The following ATP10B variants were observed in gnomAD, a reference collection of about 807,000 sequenced individuals.
ATP10B encodes phospholipid-transporting ATPase VB.
Under a neutral mutation model 141.2 loss-of-function variants are expected in ATP10B, and 122 were observed. The observed-to-expected ratio is 0.86, with a 90% CI of 0.75 to 1.00. The LOEUF is 1.00. Ranked by LOEUF, ATP10B falls within the 50% of genes least tolerant of loss-of-function variation. ATP10B has a pLI of 0.00. For synonymous variants in ATP10B, 685 were observed against 692.0 expected, an observed-to-expected ratio of 0.99 and a Z score of 0.16; for missense variants, 1,876 against 1,825.3, an observed-to-expected ratio of 1.03 and a Z score of -0.51.
At chr5:160,584,103 C>T (rs545931757) in intron 24 of ATP10B, among the ~76,000 whole-genome samples, 11 of 152,276 alleles carry the variant, frequency 7.2e-5, no homozygotes, top group African/African-American at 2.6e-4. Flanking sequence ...ACTCCTGCAG[C>T]TATCTCCATG....
At chr5:160,605,633 A>G (rs1757340172) in intron 19 of ATP10B, among the ~76,000 whole-genome samples, 1 of 152,286 alleles carries the variant, frequency 6.6e-6, no homozygotes, top group East Asian at 1.9e-4. Context: ...GTTATTCTCT[A>G]CTGTTCTTAC....
At chr5:160,894,199 T>G in the ATP10B span, among the ~76,000 whole-genome samples, 1 of 151,978 alleles carries the variant, frequency 6.6e-6, no homozygotes, top group Non-Finnish European at 1.5e-5. Flanking sequence ...AGAATGAGTT[T>G]GATGAATGAG....
chr5:160,705,575 T>C (rs1225315661), intron 3 of ATP10B, among the ~76,000 whole-genome samples: 3 of 152,186 alleles, frequency 2.0e-5, no homozygotes, highest in Non-Finnish European at 2.9e-5. Flanking sequence ...ACTTTTCTTC[T>C]GCAGCTTTCT....
chr5:160,773,358 A>G (rs1357397419), intron 2 of ATP10B, among the ~76,000 whole-genome samples: 2 of 152,160 alleles, frequency 1.3e-5, no homozygotes, highest in African/African-American at 4.8e-5. Context: ...AACAGGCTGG[A>G]TGGGTAGGAA....
chr5:160,916,899 G>T, the ATP10B span, among the ~76,000 whole-genome samples: 1 of 152,176 alleles, frequency 6.6e-6, no homozygotes, highest in Admixed American at 6.5e-5. Flanking sequence ...CTACAGTGTC[G>T]TGTGGTTTAC....
In ATP10B at chr5:160,667,230, A is replaced by AAAAAC. The variant is rs1292887724; in HGVS notation, c.675+3228_675+3232dup. Among the ~76,000 whole-genome samples the AAAAAC allele has an allele frequency of 4.6e-5, 7 of 152,100 alleles. No homozygotes were observed. The South Asian group carries it at 6.2e-4, about 14-fold the overall frequency. On this transcript the variant is annotated intron_variant, in intron 7 of 25. Coordinates refer to ENST00000327245, the MANE Select transcript of ATP10B (RefSeq NM_025153.3). ...AAGACTCTGTCTCAAAACAAAAACA[A>AAAAAC]AAAACAAAACAAAACAAAACAAAAA...
chr5:160,881,850 A>G, the ATP10B span, among the ~76,000 whole-genome samples: 226 of 152,194 alleles, frequency 1.5e-3, 1 homozygote, highest in African/African-American at 5.2e-3. Flanking sequence ...ATAATTGCCA[A>G]AAGTTGGACG....
chr5:160,880,254 T>A, the ATP10B span, among the ~76,000 whole-genome samples: 1 of 146,248 alleles, frequency 6.8e-6, no homozygotes, highest in Non-Finnish European at 1.5e-5. Context: ...ATATTATATA[T>A]AAATAAATTA....
chr5:160,792,090 A>G (rs1038031754), intron 1 of ATP10B, among the ~76,000 whole-genome samples: 10 of 152,090 alleles, frequency 6.6e-5, no homozygotes, highest in Admixed American at 5.9e-4. Flanking sequence ...AAGTTTTCCT[A>G]AATTCTACTC....
chr5:160,618,714 A>G (rs944780871), intron 15 of ATP10B, among the ~76,000 whole-genome samples: 2 of 152,146 alleles, frequency 1.3e-5, no homozygotes, highest in Non-Finnish European at 2.9e-5. Flanking sequence ...TAATTCTATA[A>G]TAAGAATTTT....
chr5:160,652,584 G>A (rs1300496076), intron 7 of ATP10B, among the ~76,000 whole-genome samples: 4 of 142,892 alleles, frequency 2.8e-5, no homozygotes, highest in Non-Finnish European at 6.0e-5. Context: ...TCAGCCTCCT[G>A]AGTAGCTGGG....
At position 160,688,013 on chromosome 5, in the gene ATP10B, G is replaced by A. The variant is rs774296674; in HGVS notation, c.62C>T (p.Pro21Leu). ...RWQWRVRDGF[P>L]HCPSETTPLL... ...CGGTGTGGTTTCCGATGGACAATGG[G>A]GGAAGCCATCTCTGACTCTCCACTG... Residue 21 changes from proline to leucine, a missense_variant, in exon 5 of 26, where the codon CCC (proline) becomes CTC (leucine). Transcript: ENST00000327245. 2 of 1,613,924 alleles carry A rather than the reference G, an allele frequency of 1.2e-6. No individual in the cohort carries two copies. Among genetic ancestry groups the A allele is most frequent in the Admixed American group, 1.7e-5 (1 of 60,008 alleles).
intron 2 of ATP10B, among the ~76,000 whole-genome samples, chr5:160,718,358 C>T (rs1487793564): frequency 1.3e-5 from 2 of 152,172 alleles, no homozygotes; most frequent in Admixed American, 1.3e-4. Context: ...ATTTGGGCCC[C>T]AGTTCTGAAG....
At chr5:160,844,063 T>C (rs2127988945) in intron 1 of ATP10B, among the ~76,000 whole-genome samples, 1 of 152,226 alleles carries the variant, frequency 6.6e-6, no homozygotes, top group African/African-American at 2.4e-5. Flanking sequence ...ATATTAAGGG[T>C]TATTTTGAGT....
intron 2 of ATP10B, among the ~76,000 whole-genome samples, chr5:160,728,306 T>A (rs1474555382): frequency 6.6e-6 from 1 of 152,170 alleles, no homozygotes; most frequent in Non-Finnish European, 1.5e-5. Flanking sequence ...TGTGTGTGGC[T>A]TGAGTTTTTC....
At chr5:160,752,032 A>G (rs968309993) in intron 2 of ATP10B, among the ~76,000 whole-genome samples, 1 of 152,152 alleles carries the variant, frequency 6.6e-6, no homozygotes. Flanking sequence ...GGCTGCTCAT[A>G]GGCATTTTTG....
Position 160,589,642 on chromosome 5 carries a change from T to C in ATP10B, c.3700A>G (p.Ile1234Val), listed in dbSNP as rs187173360. ...VFTFGTPINT[I>V]SLTTILLHQA... ...TGCAAAAGGATTGTGGTGAGGGAGA[T>C]GGTGTTGATTGGTGTCCCAAAGGTA... The change falls in exon 24 of 26, where the codon ATC becomes GTC. Residue 1234 changes from isoleucine to valine, a missense_variant. Transcript: ENST00000327245. 1.8e-4 allele frequency: 287 copies of C among 1,614,000 alleles called. 1 individual carries two copies. In the East Asian group the frequency reaches 5.7e-3, roughly 32 times the overall value.
chr5:160,656,702 CT>C (rs35379300), intron 7 of ATP10B, among the ~76,000 whole-genome samples: 2,451 of 147,526 alleles, frequency 0.017, 70 homozygotes, highest in African/African-American at 0.057. Context: ...CACAAAGGGT[CT>C]TTTTTTTTTA....
intron 21 of ATP10B, among the ~76,000 whole-genome samples, chr5:160,601,094 A>G (rs1757077010): frequency 3.3e-5 from 5 of 152,224 alleles, no homozygotes. Flanking sequence ...TTCTAAATAA[A>G]CAGTCTTTCA....
Sources: allele counts gnomAD v4.1 joint callset (sites outside exome capture counted in the v4.1 genomes callset), GRCh38; gene constraint gnomAD v4.1.1; transcripts MANE v1.5; gene names NCBI Gene and HGNC (gene_info 2026-07-23, HGNC 2026-07-21).